SBNO1: variants seen among roughly 807,000 people sequenced by gnomAD.
SBNO1 encodes strawberry notch homolog 1, also known as protein strawberry notch homolog 1.
In SBNO1, 23 loss-of-function variants were observed where a neutral mutation model predicts 173.6. The observed-to-expected ratio is 0.13, with a 90% CI of 0.10 to 0.19. SBNO1 has a LOEUF of 0.19. SBNO1 is among the 10% of genes least tolerant of loss of function. SBNO1 has a pLI of 1.00. For missense variants in SBNO1, 1,238 were observed against 1,671.2 expected (o/e 0.74, Z 4.52); for synonymous variants, 632 against 571.5 (o/e 1.11, Z -1.51).
intron 28 of SBNO1, among the ~76,000 whole-genome samples, chr12:123,308,281 G>A (rs1289808750): frequency 6.6e-6 from 1 of 152,002 alleles, no homozygotes; most frequent in Non-Finnish European, 1.5e-5. Flanking sequence ...ATAACTGAAA[G>A]AATGTAGCTA....
chr12:123,310,522 G>A (rs553402600), intron 25 of SBNO1, among the ~76,000 whole-genome samples: 56 of 151,434 alleles, frequency 3.7e-4, no homozygotes, highest in Non-Finnish European at 6.8e-4. Context: ...GTGAGCCACC[G>A]CGCCCGACCA....
chr12:123,348,554 C>G (rs1873492799), intron 2 of SBNO1, among the ~76,000 whole-genome samples: 1 of 152,188 alleles, frequency 6.6e-6, no homozygotes, highest in Non-Finnish European at 1.5e-5. Flanking sequence ...ATCACAAGGT[C>G]AGGAGATCGA....
chr12:123,361,374 C>G (rs1875142035), intron 1 of SBNO1, among the ~76,000 whole-genome samples: 1 of 151,970 alleles, frequency 6.6e-6, no homozygotes, highest in South Asian at 2.1e-4. Context: ...CATGCAGAAA[C>G]CCCGTCTCTA....
In SBNO1 at chr12:123,340,729, C is replaced by T. The variant is rs372247736; in HGVS notation, c.651+259G>A. Among the ~76,000 whole-genome samples, 35 of 151,362 alleles carry T rather than the reference C, an allele frequency of 2.3e-4. No homozygotes were observed. In the East Asian group the frequency reaches 5.4e-3, roughly 23 times the overall value. On this transcript the variant is annotated intron_variant, in intron 5 of 31. Coordinates refer to ENST00000602398, the MANE Select transcript of SBNO1 (RefSeq NM_001167856.3). The stretch of plus-strand genomic sequence containing the variant: ...CGTTAACCCCACATTGTCTTTTTTT[C>T]TGCTCAGATGAGATTTTTAACAGTA...
rs1260834299 is a variant in SBNO1 at position 123,295,789 on chromosome 12, T to TA, written c.*118dup. ...GGTTTGTCCTTACTCCCAAAAAAAC[T>TA]AACTAGAGAGCACAACTGAAAAAAA... On this transcript the variant is annotated 3_prime_UTR_variant, in exon 32 of 32. Transcript: ENST00000602398. 1 of 1,383,898 alleles carries TA rather than the reference T, an allele frequency of 7.2e-7. No homozygotes were observed. Among genetic ancestry groups the TA allele is most frequent in the Non-Finnish European group, 9.8e-7 (1 of 1,018,796 alleles). The allele number at this position is 1,383,898 out of a possible 1,614,324, so 85.7% of individuals were successfully genotyped here.
At chr12:123,355,447 T>C (rs1261916805) in intron 1 of SBNO1, among the ~76,000 whole-genome samples, 1 of 151,964 alleles carries the variant, frequency 6.6e-6, no homozygotes, top group East Asian at 1.9e-4. Context: ...CCTCTAAAAA[T>C]ACAAAGAATA....
chr12:123,324,812 A>T (rs1192746558), intron 15 of SBNO1, among the ~76,000 whole-genome samples: 7 of 150,268 alleles, frequency 4.7e-5, no homozygotes, highest in African/African-American at 7.4e-5. Flanking sequence ...ATTTTATTTT[A>T]TTTTTTTTTG....
At chr12:123,323,107 T>A (rs1029673761) in intron 16 of SBNO1, among the ~76,000 whole-genome samples, 5 of 152,174 alleles carry the variant, frequency 3.3e-5, no homozygotes, top group Non-Finnish European at 5.9e-5. Context: ...CCTAATTTCG[T>A]ATGGACCTCT....
chr12:123,320,338 A>T (rs1211421736), intron 19 of SBNO1, 94 bp downstream of exon 19: 9 of 1,193,000 alleles, frequency 7.5e-6, no homozygotes, highest in Non-Finnish European at 1.1e-5. Context: ...TGATCTAAGA[A>T]ATTTAGATTA....
At position 123,331,361 on chromosome 12, in the gene SBNO1, G is replaced by A. The variant is rs1871186852; in HGVS notation, c.924C>T (p.Phe308=). 1 of 1,613,502 alleles carries A rather than the reference G, an allele frequency of 6.2e-7. No homozygotes were observed. The highest frequency in any genetic ancestry group is 8.5e-7 in the Non-Finnish European group (1 of 1,179,860). The part of the protein sequence containing the change: ...ITYAAQQHET[F]LPNGDRAGFL... ...AGCCAGCACGATCTCCATTAGGTAG[G>A]AAAGTTTCATGTTGCTGAAAAACAA... Residue 308 remains phenylalanine, a synonymous_variant, in exon 8 of 32, where the codon TTC becomes TTT. Coordinates refer to ENST00000602398, the MANE Select transcript of SBNO1 (RefSeq NM_001167856.3).
Position 123,328,906 on chromosome 12 carries a change from A to G in SBNO1, c.1135-11T>C. On this transcript the variant is annotated splice_polypyrimidine_tract_variant and intron_variant, in intron 9 of 31. Transcript: ENST00000602398. ...TTTTCCGTATTTAAACTAAAAAAGAAAAGAAAAGAATTTAGTTAATTAGTA... is the reference window on the plus strand; with the variant it reads ...TTTTCCGTATTTAAACTAAAAAAGAGAAGAAAAGAATTTAGTTAATTAGTA... The G allele has an allele frequency of 2.7e-6, 4 of 1,466,294 alleles. No individual in the cohort carries two copies. Among genetic ancestry groups the G allele is most frequent in the Non-Finnish European group, 3.7e-6 (4 of 1,070,254 alleles). The allele number at this position is 1,466,294 out of a possible 1,614,324, so 90.8% of individuals were successfully genotyped here. A position where few individuals can be genotyped will look rare whatever the true frequency, so the allele number is the denominator to read the frequency against.
At chr12:123,333,443 AAC>A (rs1203865094) in intron 7 of SBNO1, among the ~76,000 whole-genome samples, 1 of 152,184 alleles carries the variant, frequency 6.6e-6, no homozygotes, top group African/African-American at 2.4e-5. Flanking sequence ...GTTCTTATCT[AAC>A]AGTTCCAGGG....
intron 3 of SBNO1, among the ~76,000 whole-genome samples, chr12:123,347,578 T>C (rs1022771285): frequency 9.9e-5 from 15 of 151,038 alleles, no homozygotes; most frequent in Non-Finnish European, 2.1e-4. Flanking sequence ...CAGGCTGGAG[T>C]GCAGTGGCTT....
intron 24 of SBNO1, among the ~76,000 whole-genome samples, chr12:123,311,375 ATTCTT>A (rs973264281): frequency 3.9e-5 from 6 of 152,010 alleles, no homozygotes; most frequent in Non-Finnish European, 7.4e-5. Flanking sequence ...ACATGTTAAG[ATTCTT>A]TTCTTTTTTT....
chr12:123,300,573 C>G (rs762981281), intron 30 of SBNO1, among the ~76,000 whole-genome samples: 38 of 151,902 alleles, frequency 2.5e-4, no homozygotes, highest in Non-Finnish European at 4.1e-4. Context: ...CAGAAGAATG[C>G]CGTGAACCTG....
In SBNO1 at chr12:123,290,821, T is replaced by G. The variant is rs921781619; in HGVS notation, c.*5087A>C. 6.6e-5 allele frequency: 10 copies of G among 151,810 alleles called. No homozygotes were observed. Among genetic ancestry groups the G allele is most frequent in the African/African-American group, 2.4e-4 (10 of 41,304 alleles). The allele number at this position is 151,810 out of a possible 1,614,324, so 9.4% of individuals were successfully genotyped here. A position where few individuals can be genotyped will look rare whatever the true frequency, so the allele number is the denominator to read the frequency against. ...GGCGCGATCTGGGCTCACTGCAAGC[T>G]CTGCCTCCCAGGTTCATGCCATTCT... On this transcript the variant is annotated 3_prime_UTR_variant, in exon 32 of 32. Transcript: ENST00000602398.
intron 2 of SBNO1, among the ~76,000 whole-genome samples, chr12:123,349,850 T>C (rs149800941): frequency 2.4e-4 from 36 of 151,982 alleles, no homozygotes; most frequent in Non-Finnish European, 4.7e-4. Context: ...GAGGCAGAGG[T>C]TGCAGTGAGC....
chr12:123,299,694 A>AAAAC (rs1555244092), intron 30 of SBNO1, among the ~76,000 whole-genome samples: 48 of 150,832 alleles, frequency 3.2e-4, no homozygotes, highest in Admixed American at 1.9e-3. Context: ...AAAAAAAAAA[A>AAAAC]AAAAACAAAA....
intron 15 of SBNO1, 63 bp downstream of exon 15, chr12:123,325,439 T>C (rs780022729): frequency 3.1e-4 from 364 of 1,169,320 alleles, no homozygotes; most frequent in Non-Finnish European, 4.0e-4. Flanking sequence ...AATGCCCACA[T>C]TGGAACTAAG....
Sources: allele counts gnomAD v4.1 joint callset (sites outside exome capture counted in the v4.1 genomes callset), GRCh38; gene constraint gnomAD v4.1.1; transcripts MANE v1.5; gene names NCBI Gene and HGNC (gene_info 2026-07-23, HGNC 2026-07-21).